Variants in AHDC1 observed in about 807,000 individuals in gnomAD.
The protein encoded by AHDC1 is transcription factor Gibbin.
AHDC1 carries 7 observed loss-of-function variants against 87.9 expected under a neutral mutation model. That is an observed-to-expected ratio of 0.08 (90% CI 0.05 to 0.15). The LOEUF (loss-of-function observed/expected upper bound fraction) is 0.15. Ranked by LOEUF, AHDC1 falls within the 10% of genes least tolerant of loss-of-function variation. The pLI is 1.00. For synonymous variants in AHDC1, 1,051 were observed against 1,006.8 expected (o/e 1.04, Z -0.83); for missense variants, 1,841 against 2,253.2 (o/e 0.82, Z 3.70).
At chr1:27,599,220 C>T (rs543831236) in intron 3 of AHDC1, among the ~76,000 whole-genome samples, 65 of 152,290 alleles carry the variant, frequency 4.3e-4, no homozygotes, top group African/African-American at 1.3e-3. Flanking sequence ...CTGGCTCCCT[C>T]CCTCTCGAGC....
Position 27,560,726 on chromosome 1 carries a change from C to T in AHDC1, c.-628-1843G>A, listed in dbSNP as rs2020038896. Among the ~76,000 whole-genome samples the T allele has an allele frequency of 6.6e-6, 1 of 152,100 alleles. No homozygotes were observed. Among genetic ancestry groups the T allele is most frequent in the Non-Finnish European group, 1.5e-5 (1 of 68,032 alleles). On this transcript the variant is annotated intron_variant, in intron 3 of 8. Transcript: ENST00000673934. This position sits in a 1 kb window ranked among gnomAD's most constrained non-coding sequence, Gnocchi z 4.1. ...GTCAGTGGGTCCTTGTGCTATGTCA[C>T]TGTATGATTGTGCCAGTATGGCCGT...
Position 27,555,748 on chromosome 1 carries a change from G to A in AHDC1, c.-225+2557C>T, listed in dbSNP as rs960852018. On this transcript the variant is annotated intron_variant, in intron 5 of 8. Coordinates refer to ENST00000673934, the MANE Select transcript of AHDC1 (RefSeq NM_001371928.1). ...TCCCTTACTGAGGGTCAGGCTAGCC[G>A]AGCCTTCCCCGCCCTGGAGACCTCC... Among the ~76,000 whole-genome samples the A allele has an allele frequency of 7.1e-5, 10 of 141,500 alleles. No homozygotes were observed. In the South Asian group the frequency reaches 2.1e-3, roughly 30 times the overall value. 92.8% of individuals were successfully genotyped at this position (141,500 alleles called of 152,430 possible). A position where few individuals can be genotyped will look rare whatever the true frequency, so the allele number is the denominator to read the frequency against.
intron 3 of AHDC1, among the ~76,000 whole-genome samples, chr1:27,594,917 G>A (rs1289341745): frequency 6.6e-6 from 1 of 152,020 alleles, no homozygotes; most frequent in Non-Finnish European, 1.5e-5. Flanking sequence ...GTGTGGTATC[G>A]GGGTGTTTGG....
At chr1:27,588,333 G>GC (rs35546191) in intron 3 of AHDC1, among the ~76,000 whole-genome samples, 50,100 of 152,108 alleles carry the variant, frequency 0.33, 13,401 homozygotes, top group African/African-American at 0.73. Flanking sequence ...AAAACTGAGA[G>GC]CCTGTGAGGG....
intron 3 of AHDC1, among the ~76,000 whole-genome samples, chr1:27,567,024 A>G (rs1399957854): frequency 6.6e-6 from 1 of 151,990 alleles, no homozygotes; most frequent in Non-Finnish European, 1.5e-5. Context: ...CTGGGAGTGG[A>G]GCATGGCTCT....
At chr1:27,594,484 G>C (rs1175933213) in intron 3 of AHDC1, among the ~76,000 whole-genome samples, 1 of 152,232 alleles carries the variant, frequency 6.6e-6, no homozygotes, top group African/African-American at 2.4e-5. Context: ...CAGGTGCCAA[G>C]GGGCTCTGCC....
intron 8 of AHDC1, among the ~76,000 whole-genome samples, chr1:27,543,638 G>A (rs913471837): frequency 3.3e-5 from 5 of 152,178 alleles, no homozygotes; most frequent in African/African-American, 1.2e-4. Context: ...TAAGATGTCA[G>A]ACCCAGCAAG....
Position 27,550,897 on chromosome 1 carries a change from C to T in AHDC1, c.1219G>A (p.Ala407Thr), listed in dbSNP as rs530340460. 16 of 1,592,754 alleles carry T rather than the reference C, an allele frequency of 1.0e-5. No individual in the cohort carries two copies. The highest frequency in any genetic ancestry group is 8.9e-5 in the South Asian group (8 of 89,414). Residue 407 changes from alanine (A) to threonine (T), a missense_variant, in exon 8 of 9, where the codon GCC (alanine) becomes ACC (threonine). Physicochemically the swap from Ala to Thr is moderately conservative, Grantham distance 58. Around this residue, in one of 13 missense-constraint regions of AHDC1, gnomAD observed 370 missense variants for 391.5 expected, o/e 0.95. Coordinates refer to ENST00000673934, the MANE Select transcript of AHDC1 (RefSeq NM_001371928.1). The part of the protein sequence containing the change: ...RKAGRGRKAD[A>T]GPEGRLLPLP... ...GGCAGTAGGCGGCCCTCGGGTCCGG[C>T]GTCTGCCTTGCGTCCCCGTCCGGCT...
At chr1:27,582,143 G>A (rs560935809) in intron 3 of AHDC1, among the ~76,000 whole-genome samples, 6 of 152,220 alleles carry the variant, frequency 3.9e-5, no homozygotes, top group South Asian at 2.1e-4. Flanking sequence ...GACCCACCTC[G>A]GCACTGCCCA....
At chr1:27,544,187 G>T (rs1398256085) in intron 8 of AHDC1, among the ~76,000 whole-genome samples, 2 of 152,216 alleles carry the variant, frequency 1.3e-5, no homozygotes, top group Non-Finnish European at 2.9e-5. Flanking sequence ...GTTGTGGTGG[G>T]GAGACACACC....
Position 27,551,754 on chromosome 1 carries a change from A to T in AHDC1, c.362T>A (p.Val121Glu). 2 of 1,613,578 alleles carry T rather than the reference A, an allele frequency of 1.2e-6. No homozygotes were observed. Among genetic ancestry groups the T allele is most frequent in the Non-Finnish European group, 1.7e-6 (2 of 1,179,922 alleles). Reference sequence around the variant, plus strand: ...CTTCATGATGTCAATCAGCTGCACCACTGGTCGCAGGTTCACCCGCCCGTT... The same window carrying T: ...CTTCATGATGTCAATCAGCTGCACCTCTGGTCGCAGGTTCACCCGCCCGTT... The part of the protein sequence containing the change: ...WDNGRVNLRP[V>E]VQLIDIMKDL... The change falls in exon 8 of 9, where the codon GTG becomes GAG. Residue 121 changes from valine (V) to glutamate (E), a missense_variant. Coordinates refer to ENST00000673934, the MANE Select transcript of AHDC1 (RefSeq NM_001371928.1).
Position 27,562,245 on chromosome 1 carries a change from G to A in AHDC1, c.-628-3362C>T, listed in dbSNP as rs1169477101. On this transcript the variant is annotated intron_variant, in intron 3 of 8. Transcript: ENST00000673934. This position sits in a 1 kb window ranked among gnomAD's most constrained non-coding sequence, Gnocchi z 4.4. Reference sequence around the variant, plus strand: ...GGGCGGCCAGTGCGCCAAGCCTCCCGCCTCCTGACCCCCGAGCCTGGGAGA... The same window carrying A: ...GGGCGGCCAGTGCGCCAAGCCTCCCACCTCCTGACCCCCGAGCCTGGGAGA... Among the ~76,000 whole-genome samples, 2 of 152,054 alleles carry A rather than the reference G, an allele frequency of 1.3e-5. No homozygotes were observed. The highest frequency in any genetic ancestry group is 1.5e-5 in the Non-Finnish European group (1 of 67,986).
At chr1:27,545,107 T>A (rs894838589) in intron 8 of AHDC1, among the ~76,000 whole-genome samples, 1 of 150,684 alleles carries the variant, frequency 6.6e-6, no homozygotes, top group African/African-American at 2.4e-5. Flanking sequence ...AGGCCTCAGC[T>A]TCAAGGTCCG....
In AHDC1 at chr1:27,560,200, TTGTGTG is replaced by T. The variant is rs10623052; in HGVS notation, c.-628-1323_-628-1318del. Among the ~76,000 whole-genome samples the T allele has an allele frequency of 2.0e-5, 3 of 148,424 alleles. No homozygotes were observed. Among genetic ancestry groups the T allele is most frequent in the Non-Finnish European group, 4.5e-5 (3 of 66,930 alleles). ...CTTTTCACGTTTATTTCTATTCGTTTTGTGTGTGTGTGTGTGTGTGTGTGAGTCTAG... is the reference window on the plus strand; with the variant it reads ...CTTTTCACGTTTATTTCTATTCGTTTTGTGTGTGTGTGTGTGTGAGTCTAG... On this transcript the variant is annotated intron_variant, in intron 3 of 8. Transcript: ENST00000673934. This position sits in a 1 kb window ranked among gnomAD's most constrained non-coding sequence, Gnocchi z 4.1.
In AHDC1 at chr1:27,562,081, G is replaced by A. The variant is rs1026279962; in HGVS notation, c.-628-3198C>T. 6.6e-6 allele frequency among the ~76,000 whole-genome samples: 1 copy of A among 152,034 alleles called. No individual in the cohort carries two copies. The highest frequency in any genetic ancestry group is 2.4e-5 in the African/African-American group (1 of 41,370). On this transcript the variant is annotated intron_variant, in intron 3 of 8. Coordinates refer to ENST00000673934, the MANE Select transcript of AHDC1 (RefSeq NM_001371928.1). This position sits in a 1 kb window ranked among gnomAD's most constrained non-coding sequence, Gnocchi z 4.4. The stretch of plus-strand genomic sequence containing the variant: ...GAGCAGGGACCAGGGGTTTCTGCAG[G>A]AGCCTGAGAAAGAGGCAGCGAAGCA...
intron 3 of AHDC1, among the ~76,000 whole-genome samples, chr1:27,596,364 G>T (rs990800091): frequency 1.3e-5 from 2 of 152,096 alleles, no homozygotes; most frequent in African/African-American, 4.8e-5. Flanking sequence ...CACAGGCTGG[G>T]GGTGGGGGAA....
intron 3 of AHDC1, among the ~76,000 whole-genome samples, chr1:27,582,318 T>C (rs572704746): frequency 2.6e-5 from 4 of 152,234 alleles, no homozygotes; most frequent in Non-Finnish European, 4.4e-5. Flanking sequence ...ATCTATAAAA[T>C]TGGGATGGCA....
Position 27,568,475 on chromosome 1 carries a change from A to G in AHDC1, c.-628-9592T>C, listed in dbSNP as rs555215125. The stretch of plus-strand genomic sequence containing the variant: ...CGTGTTCAGCCTCTCCCAGACTTGG[A>G]AGGGCGAGGCCTTCAACGGTCTCCC... On this transcript the variant is annotated intron_variant, in intron 3 of 8. Transcript: ENST00000673934. Among the ~76,000 whole-genome samples, 169 of 152,140 alleles carry G rather than the reference A, an allele frequency of 1.1e-3. 2 individuals are homozygous for G. The South Asian group carries it at 0.031, about 28-fold the overall frequency.
rs373346553 is a variant in AHDC1 at position 27,547,643 on chromosome 1, G to A, written c.4473C>T (p.Phe1491=). The A allele has an allele frequency of 3.8e-6, 6 of 1,599,172 alleles. No individual in the cohort carries two copies. The African/African-American group carries it at 6.7e-5, about 18-fold the overall frequency. ...GGCACGCGGCCTCCGTCCTGCCCAG[G>A]AAGTCAGCCAGCAGCCCTGTACCCA... The part of the protein sequence containing the change: ...GKVGTGLLAD[F]LGRTEAACLS... Residue 1491 remains phenylalanine, a synonymous_variant, in exon 8 of 9, where the codon TTC becomes TTT. Transcript: ENST00000673934. This position sits in a 1 kb window ranked among gnomAD's most constrained non-coding sequence, Gnocchi z 4.9.
Sources: gnomAD v4.1 joint callset for allele counts (sites outside exome capture counted in the v4.1 genomes callset) on GRCh38, gnomAD v4.1.1 for gene constraint, gnomAD v4.1.1 regional missense constraint, Gnocchi (gnomAD v3.1) non-coding constraint, MANE v1.5 for transcripts, NCBI Gene and HGNC (gene_info 2026-07-23, HGNC 2026-07-21) for gene names.